The following CADM2 variants were observed in gnomAD, a reference collection of about 807,000 sequenced individuals.
CADM2 encodes the protein cell adhesion molecule 2, also known as immunoglobulin superfamily member 4D.
CADM2 carries 12 observed loss-of-function variants against 49.8 expected under a neutral mutation model. The ratio of observed to expected loss-of-function variants is 0.24; its 90% confidence interval spans 0.15 to 0.39. The LOEUF is 0.39. Ranked by LOEUF, CADM2 falls within the 10% of genes least tolerant of loss-of-function variation. CADM2 has a pLI of 1.00. For missense variants in CADM2, 378 were observed against 492.3 expected, an observed-to-expected ratio of 0.77 and a Z score of 2.20; for synonymous variants, 214 against 175.4, an observed-to-expected ratio of 1.22 and a Z score of -1.74.
intron 1 of CADM2, among the ~76,000 whole-genome samples, chr3:85,524,831 T>C (rs995634035): frequency 1.3e-5 from 2 of 152,220 alleles, no homozygotes; most frequent in African/African-American, 2.4e-5. Flanking sequence ...CAATATTACA[T>C]GTGTAAATCC....
At chr3:85,884,768 T>C (rs1713321202) in intron 4 of CADM2, among the ~76,000 whole-genome samples, 1 of 150,464 alleles carries the variant, frequency 6.6e-6, no homozygotes, top group South Asian at 2.1e-4. Flanking sequence ...CTCTGTAGCC[T>C]GGCTGGAGTG....
chr3:86,009,520 T>C (rs1476010996), intron 8 of CADM2, among the ~76,000 whole-genome samples: 1 of 151,676 alleles, frequency 6.6e-6, no homozygotes, highest in Non-Finnish European at 1.5e-5. Context: ...GAAATCGTAT[T>C]TTGTTAAAAC....
chr3:85,620,633 C>G (rs2063945566), intron 1 of CADM2, among the ~76,000 whole-genome samples: 1 of 151,970 alleles, frequency 6.6e-6, no homozygotes, highest in Non-Finnish European at 1.5e-5. Flanking sequence ...AAAAAATCAT[C>G]AAACACAAAA....
intron 1 of CADM2, among the ~76,000 whole-genome samples, chr3:85,047,994 T>C (rs1373508276): frequency 2.6e-5 from 4 of 152,110 alleles, no homozygotes; most frequent in Non-Finnish European, 5.9e-5. Flanking sequence ...ATATCTACTA[T>C]ACAGAAACCT....
chr3:85,380,793 G>T (rs1157781132), intron 1 of CADM2, among the ~76,000 whole-genome samples: 1 of 151,382 alleles, frequency 6.6e-6, no homozygotes, highest in Non-Finnish European at 1.5e-5. Flanking sequence ...ACTTTTTTTA[G>T]AATATAATTA....
chr3:86,065,509 T>C (rs1739199022), intron 8 of CADM2, 96 bp from the exon 9 acceptor site: 1 of 1,265,888 alleles, frequency 7.9e-7, no homozygotes, highest in Non-Finnish European at 1.1e-6. Context: ...TTAACAGAAA[T>C]TGTGTTAATT....
At chr3:85,625,487 A>G (rs2064098769) in intron 1 of CADM2, among the ~76,000 whole-genome samples, 2 of 152,072 alleles carry the variant, frequency 1.3e-5, no homozygotes, top group Admixed American at 6.6e-5. Flanking sequence ...CAAAGGAATG[A>G]TTTGTTTCTA....
At chr3:86,037,664 ATTTT>A (rs1264535446) in intron 8 of CADM2, among the ~76,000 whole-genome samples, 2 of 142,078 alleles carry the variant, frequency 1.4e-5, no homozygotes, top group Non-Finnish European at 3.0e-5. Flanking sequence ...TTAAACATTT[ATTTT>A]AAGTATTTAT....
At chr3:85,602,080 A>G (rs2063423353) in intron 1 of CADM2, among the ~76,000 whole-genome samples, 1 of 151,828 alleles carries the variant, frequency 6.6e-6, no homozygotes, top group Non-Finnish European at 1.5e-5. Flanking sequence ...AATTATCATT[A>G]AAGACATTCA....
chr3:85,169,736 A>G (rs1205063099), intron 1 of CADM2, among the ~76,000 whole-genome samples: 1 of 151,992 alleles, frequency 6.6e-6, no homozygotes, highest in African/African-American at 2.4e-5. Flanking sequence ...GAGCCACTAC[A>G]CTCCAGCATG....
At chr3:85,021,689 C>T (rs1224975295) in intron 1 of CADM2, among the ~76,000 whole-genome samples, 2 of 152,040 alleles carry the variant, frequency 1.3e-5, no homozygotes, top group Admixed American at 1.3e-4. Context: ...GCAGGAGAAT[C>T]GCTTGAACCC....
intron 3 of CADM2, among the ~76,000 whole-genome samples, chr3:85,807,288 C>T (rs1243278743): frequency 6.6e-6 from 1 of 152,054 alleles, no homozygotes; most frequent in African/African-American, 2.4e-5. Flanking sequence ...CACCTGAGGT[C>T]AGGAGTTTGA....
intron 5 of CADM2, among the ~76,000 whole-genome samples, chr3:85,897,742 A>G (rs1715448862): frequency 6.6e-6 from 1 of 152,166 alleles, no homozygotes; most frequent in African/African-American, 2.4e-5. Context: ...TTTTGTCCTA[A>G]GGACTCATTT....
At chr3:85,370,257 T>A (rs1218365288) in intron 1 of CADM2, among the ~76,000 whole-genome samples, 1 of 143,466 alleles carries the variant, frequency 7.0e-6, no homozygotes, top group Non-Finnish European at 1.5e-5. Flanking sequence ...ATAATAATAA[T>A]AAAATTTTAA....
At chr3:85,802,288 T>C (rs2072096328) in intron 3 of CADM2, 92 bp downstream of exon 3, 1 of 1,114,246 alleles carries the variant, frequency 9.0e-7, no homozygotes. Context: ...AAACTATTCC[T>C]TTTGATTACC....
In CADM2 at chr3:85,666,795, T is replaced by TG. The variant is rs2065582140; in HGVS notation, c.62-59725dup. Among the ~76,000 whole-genome samples the TG allele has an allele frequency of 2.6e-5, 4 of 151,856 alleles. No individual in the cohort carries two copies. The South Asian group carries it at 8.3e-4, about 32-fold the overall frequency. ...CAGAGAGTGATCTTCCTAGGTTGTA[T>TG]GGCAGGAAGAAATGGAAAAATGGCT... On this transcript the variant is annotated intron_variant, in intron 1 of 9. Coordinates refer to ENST00000383699, the MANE Select transcript of CADM2 (RefSeq NM_001167675.2).
intron 8 of CADM2, among the ~76,000 whole-genome samples, chr3:86,022,747 T>C (rs182149275): frequency 2.0e-4 from 31 of 152,290 alleles, no homozygotes; most frequent in Admixed American, 6.5e-4. Flanking sequence ...TTAGCAAATT[T>C]AACCTAGGTT....
chr3:85,209,377 G>A (rs1230994761), intron 1 of CADM2, among the ~76,000 whole-genome samples: 1 of 151,946 alleles, frequency 6.6e-6, no homozygotes, highest in Non-Finnish European at 1.5e-5. Context: ...CTTTTTTACA[G>A]ATAAAGTAAC....
At chr3:85,019,977 C>A (rs2034424164) in intron 1 of CADM2, among the ~76,000 whole-genome samples, 1 of 152,108 alleles carries the variant, frequency 6.6e-6, no homozygotes, top group Admixed American at 6.5e-5. Context: ...AATCCCCACC[C>A]TCCACAAATA....
Sources: gnomAD v4.1 joint callset for allele counts (sites outside exome capture counted in the v4.1 genomes callset) on GRCh38, gnomAD v4.1.1 for gene constraint, MANE v1.5 for transcripts, NCBI Gene and HGNC (gene_info 2026-07-23, HGNC 2026-07-21) for gene names.